Variants in HS3ST4 observed in about 807,000 individuals in gnomAD.
HS3ST4 encodes the protein heparan sulfate-glucosamine 3-sulfotransferase 4.
A neutral mutation model predicts 29.2 loss-of-function variants in HS3ST4; 17 were observed. The ratio of observed to expected loss-of-function variants is 0.58; its 90% CI spans 0.40 to 0.87. The LOEUF (loss-of-function observed/expected upper bound fraction) is 0.87. Ranked by LOEUF, HS3ST4 falls within the 40% of genes least tolerant of loss-of-function variation. The pLI is 0.00. For synonymous variants in HS3ST4, 314 were observed against 285.7 expected, an observed-to-expected ratio of 1.10 and a Z score of -1.00; for missense variants, 627 against 634.5, an observed-to-expected ratio of 0.99 and a Z score of 0.13.
intron 1 of HS3ST4, among the ~76,000 whole-genome samples, chr16:25,799,289 T>C (rs1250459740): frequency 6.6e-6 from 1 of 152,202 alleles, no homozygotes; most frequent in Non-Finnish European, 1.5e-5. Flanking sequence ...TTTCAAAGGT[T>C]CTTTCTCTGC....
intron 1 of HS3ST4, among the ~76,000 whole-genome samples, chr16:26,119,205 T>C (rs1899239235): frequency 6.6e-6 from 1 of 152,076 alleles, no homozygotes; most frequent in South Asian, 2.1e-4. Context: ...ATTTCCTACC[T>C]CCCTCTCAGC....
At position 25,913,261 on chromosome 16, in the gene HS3ST4, AC is replaced by A. The variant is rs946997144; in HGVS notation, c.734+220117del. ...GCTGAAACTCATGTGCTGAAACCTAACCCCCCCGGGGATGGTTAAGAGATGA... is the reference window on the plus strand; with the variant it reads ...GCTGAAACTCATGTGCTGAAACCTAACCCCCCGGGGATGGTTAAGAGATGA... On this transcript the variant is annotated intron_variant, in intron 1 of 1. Coordinates refer to ENST00000331351, the MANE Select transcript of HS3ST4 (RefSeq NM_006040.3). 3.3e-5 allele frequency among the ~76,000 whole-genome samples: 5 copies of A among 152,038 alleles called. No homozygotes were observed. The East Asian group carries it at 5.8e-4, about 18-fold the overall frequency.
intron 1 of HS3ST4, among the ~76,000 whole-genome samples, chr16:25,783,469 T>C (rs1966854502): frequency 7.0e-6 from 1 of 143,470 alleles, no homozygotes; most frequent in East Asian, 2.3e-4. Context: ...AAGCCAATTC[T>C]AGTTTTTTTT....
At chr16:26,034,466 A>C (rs1296071123) in intron 1 of HS3ST4, among the ~76,000 whole-genome samples, 1 of 152,172 alleles carries the variant, frequency 6.6e-6, no homozygotes, top group Non-Finnish European at 1.5e-5. Context: ...CTCTTATGCT[A>C]TGTGCCATAC....
Position 25,908,792 on chromosome 16 carries a change from G to T in HS3ST4, c.734+215641G>T, listed in dbSNP as rs571332394. Among the ~76,000 whole-genome samples, 6 of 152,324 alleles carry T rather than the reference G, an allele frequency of 3.9e-5. No individual in the cohort carries two copies. The South Asian group carries it at 6.2e-4, about 16-fold the overall frequency. Reference sequence around the variant, plus strand: ...CAGGTGAGGTAGCAAAAGTTGTAAGGAGCAAATCCTTAGGAAAAGAAGCCT... The same window carrying T: ...CAGGTGAGGTAGCAAAAGTTGTAAGTAGCAAATCCTTAGGAAAAGAAGCCT... On this transcript the variant is annotated intron_variant, in intron 1 of 1. Transcript: ENST00000331351.
intron 1 of HS3ST4, among the ~76,000 whole-genome samples, chr16:25,715,273 G>A (rs1334615058): frequency 7.0e-6 from 1 of 142,512 alleles, no homozygotes; most frequent in African/African-American, 2.6e-5. Context: ...AGTGAGCCGA[G>A]ATCGCGCCAC....
intron 1 of HS3ST4, among the ~76,000 whole-genome samples, chr16:26,061,173 C>G (rs1386360779): frequency 1.3e-5 from 2 of 152,204 alleles, no homozygotes; most frequent in Non-Finnish European, 2.9e-5. Flanking sequence ...TTCTTCTTAT[C>G]TTTCTTCTTA....
In HS3ST4 at chr16:25,692,533, GC is replaced by G; in HGVS notation, c.117del (p.Cys39Ter). 6.9e-7 allele frequency: 1 copy of G among 1,444,618 alleles called. No individual in the cohort carries two copies. The highest frequency in any genetic ancestry group is 1.3e-5 in the South Asian group (1 of 76,702). 89.5% of individuals were successfully genotyped at this position (1,444,618 alleles called of 1,614,324 possible). On this transcript the variant is annotated frameshift_variant, in exon 1 of 2. Transcript: ENST00000331351. LOFTEE classifies it high-confidence loss of function. ...GPPARKLLFMCTLSLSVTYLC... is the reference protein window; with the variant it reads ...GPPARKLLFMXTLSLSVTYLC... ...CCGGCGCGCAAGCTGCTTTTTATGT[GC>G]ACCTTGTCCCTGTCTGTCACCTACC...
chr16:25,773,066 G>A (rs982780151), intron 1 of HS3ST4, among the ~76,000 whole-genome samples: 4 of 152,164 alleles, frequency 2.6e-5, no homozygotes, highest in Non-Finnish European at 5.9e-5. Context: ...CATACATAGC[G>A]ATACATGCCA....
At chr16:25,992,751 C>T (rs1407683390) in intron 1 of HS3ST4, among the ~76,000 whole-genome samples, 1 of 152,190 alleles carries the variant, frequency 6.6e-6, no homozygotes. Context: ...CCAGGGCTCA[C>T]TTGAATAGGG....
chr16:26,003,708 C>T (rs1459009252), intron 1 of HS3ST4, among the ~76,000 whole-genome samples: 1 of 152,158 alleles, frequency 6.6e-6, no homozygotes, highest in African/African-American at 2.4e-5. Context: ...GATCATTTTC[C>T]TGTTCTGAAG....
intron 1 of HS3ST4, among the ~76,000 whole-genome samples, chr16:25,698,671 A>G (rs958392236): frequency 6.6e-6 from 1 of 152,212 alleles, no homozygotes; most frequent in Non-Finnish European, 1.5e-5. Context: ...GAGTCTGTCC[A>G]TTTCTCAAAT....
At chr16:25,916,361 C>T (rs184767437) in intron 1 of HS3ST4, among the ~76,000 whole-genome samples, 6 of 152,040 alleles carry the variant, frequency 3.9e-5, no homozygotes, top group East Asian at 3.9e-4. Context: ...TGTTTATATT[C>T]GAATGCATTT....
intron 1 of HS3ST4, among the ~76,000 whole-genome samples, chr16:25,766,386 C>G (rs1336988342): frequency 6.6e-6 from 1 of 152,152 alleles, no homozygotes; most frequent in Admixed American, 6.5e-5. Context: ...AGGAATATAA[C>G]TAGCAGAGAT....
intron 1 of HS3ST4, among the ~76,000 whole-genome samples, chr16:26,098,432 C>T (rs1370011498): frequency 6.6e-6 from 1 of 152,050 alleles, no homozygotes; most frequent in African/African-American, 2.4e-5. Context: ...ATGTCCTTTG[C>T]AGGGACAGGG....
intron 1 of HS3ST4, among the ~76,000 whole-genome samples, chr16:25,760,038 A>G (rs376719057): frequency 1.3e-4 from 20 of 152,280 alleles, no homozygotes; most frequent in Middle Eastern, 3.4e-3. Flanking sequence ...GTGAAGGTCA[A>G]TGGCATCTCC....
chr16:26,013,268 A>G (rs1969328449), intron 1 of HS3ST4, among the ~76,000 whole-genome samples: 1 of 152,318 alleles, frequency 6.6e-6, no homozygotes, highest in African/African-American at 2.4e-5. Flanking sequence ...AAGGTGCTCA[A>G]AAAACAACTG....
intron 1 of HS3ST4, among the ~76,000 whole-genome samples, chr16:26,064,004 T>C (rs1392230256): frequency 6.6e-6 from 1 of 152,166 alleles, no homozygotes; most frequent in Non-Finnish European, 1.5e-5. Flanking sequence ...GAAATGGCCT[T>C]AAATTAGATC....
intron 1 of HS3ST4, among the ~76,000 whole-genome samples, chr16:25,714,948 G>T (rs1471258903): frequency 6.6e-6 from 1 of 152,204 alleles, no homozygotes; most frequent in Non-Finnish European, 1.5e-5. Flanking sequence ...TTGATAAGTG[G>T]TCAGAAGACA....
Sources: allele counts gnomAD v4.1 joint callset (sites outside exome capture counted in the v4.1 genomes callset), GRCh38; gene constraint gnomAD v4.1.1; transcripts MANE v1.5; gene names NCBI Gene and HGNC (gene_info 2026-07-23, HGNC 2026-07-21).